The following MEF2A variants were observed in gnomAD, a reference collection of about 807,000 sequenced individuals.
MEF2A encodes myocyte-specific enhancer factor 2A.
MEF2A carries 28 observed loss-of-function variants against 55.8 expected under a neutral mutation model. The observed-to-expected ratio is 0.50, with a 90% CI of 0.37 to 0.69. The LOEUF (loss-of-function observed/expected upper bound fraction) is 0.69, where lower values mean the gene tolerates loss of function less well. Ranked by LOEUF, MEF2A falls within the 30% of genes least tolerant of loss-of-function variation. MEF2A has a pLI of 0.00. For synonymous variants in MEF2A, 239 were observed against 227.1 expected (o/e 1.05, Z -0.47); for missense variants, 528 against 626.2 (o/e 0.84, Z 1.67).
chr15:99,638,668 T>C (rs1198292132), intron 3 of MEF2A, among the ~76,000 whole-genome samples: 1 of 152,196 alleles, frequency 6.6e-6, no homozygotes, highest in African/African-American at 2.4e-5. Flanking sequence ...AAATGGCCCA[T>C]CTTGTCATCC....
intron 7 of MEF2A, among the ~76,000 whole-genome samples, chr15:99,683,589 T>A (rs953674071): frequency 1.7e-4 from 26 of 151,890 alleles, no homozygotes; most frequent in African/African-American, 6.3e-4. Context: ...CATTTTTTTT[T>A]AGTGGGGTTT....
chr15:99,577,936 A>G (rs1020864106), intron 1 of MEF2A, among the ~76,000 whole-genome samples: 2 of 152,212 alleles, frequency 1.3e-5, no homozygotes, highest in African/African-American at 4.8e-5. Flanking sequence ...ATCAGGAGGT[A>G]TGTTTATATC....
chr15:99,671,748 A>G, intron 5 of MEF2A: 1 of 1,284,646 alleles, frequency 7.8e-7, no homozygotes, highest in Non-Finnish European at 1.0e-6. Context: ...GGGTGATGAC[A>G]ACAATAAGTA....
intron 8 of MEF2A, among the ~76,000 whole-genome samples, chr15:99,692,724 A>C (rs1450438434): frequency 6.6e-6 from 1 of 152,144 alleles, no homozygotes; most frequent in Non-Finnish European, 1.5e-5. Context: ...CAACTGGGAG[A>C]GGGGAAGAGT....
intron 8 of MEF2A, among the ~76,000 whole-genome samples, chr15:99,690,968 C>T (rs540229109): frequency 1.3e-5 from 2 of 152,200 alleles, no homozygotes; most frequent in Admixed American, 1.3e-4. Context: ...TTGAAATGTT[C>T]CCAACAAATA....
chr15:99,613,857 T>G (rs183626002), intron 2 of MEF2A, among the ~76,000 whole-genome samples: 1 of 152,224 alleles, frequency 6.6e-6, no homozygotes. Context: ...TGTGCAGCCA[T>G]ACACAACTTA....
intron 2 of MEF2A, among the ~76,000 whole-genome samples, chr15:99,622,733 C>T (rs1346110771): frequency 1.7e-5 from 2 of 120,458 alleles, no homozygotes; most frequent in African/African-American, 2.7e-5. Context: ...GATGGAGTCT[C>T]GCTCTGTCAC....
In MEF2A at chr15:99,567,143, A is replaced by G. The variant is rs116754328; in HGVS notation, c.-225+1039A>G. Among the ~76,000 whole-genome samples, 537 of 152,368 alleles carry G rather than the reference A, an allele frequency of 3.5e-3. 2 individuals carry two copies. Among genetic ancestry groups the G allele is most frequent in the African/African-American group, 0.012 (513 of 41,588 alleles). On this transcript the variant is annotated intron_variant, in intron 1 of 11. Coordinates refer to ENST00000557942, the MANE Select transcript of MEF2A (RefSeq NM_001319206.4). Reference sequence around the variant, plus strand: ...TGAAGCGAGCCTCCTGTTATGGTCCAGCAGGGAACCGTGTGTAGCTTGAAT... The same window carrying G: ...TGAAGCGAGCCTCCTGTTATGGTCCGGCAGGGAACCGTGTGTAGCTTGAAT...
chr15:99,700,910 A>G (rs2057316509), intron 8 of MEF2A, among the ~76,000 whole-genome samples: 1 of 87,050 alleles, frequency 1.1e-5, no homozygotes, highest in Non-Finnish European at 3.4e-5. Flanking sequence ...AAATGATAGA[A>G]TAAATAAGGG....
chr15:99,695,755 A>G (rs2056372695), intron 8 of MEF2A, among the ~76,000 whole-genome samples: 1 of 152,038 alleles, frequency 6.6e-6, no homozygotes, highest in Non-Finnish European at 1.5e-5. Flanking sequence ...GCTACTTGGT[A>G]GGCTGAGGCA....
chr15:99,601,169 A>G (rs563481598), intron 2 of MEF2A, among the ~76,000 whole-genome samples: 1 of 152,328 alleles, frequency 6.6e-6, no homozygotes, highest in Admixed American at 6.5e-5. Context: ...GGAATTTAAA[A>G]GAATATCAGT....
intron 5 of MEF2A, 40 bp from the exon 6 acceptor site, chr15:99,674,353 C>T (rs1406610114): frequency 5.8e-6 from 9 of 1,546,020 alleles, no homozygotes; most frequent in South Asian, 4.9e-5. Context: ...TAGATGAATA[C>T]GAAACCAACA....
At chr15:99,651,829 C>T (rs2046896745) in intron 4 of MEF2A, among the ~76,000 whole-genome samples, 1 of 152,144 alleles carries the variant, frequency 6.6e-6, no homozygotes, top group Non-Finnish European at 1.5e-5. Context: ...TATTATTCTC[C>T]ATTAGAGGTT....
At chr15:99,702,028 C>T (rs563305411) in intron 8 of MEF2A, among the ~76,000 whole-genome samples, 27 of 152,342 alleles carry the variant, frequency 1.8e-4, no homozygotes, top group South Asian at 1.7e-3. Flanking sequence ...ACTATTTACA[C>T]GCTTATTCCT....
At chr15:99,676,977 C>T (rs1189762606) in intron 7 of MEF2A, among the ~76,000 whole-genome samples, 4 of 151,764 alleles carry the variant, frequency 2.6e-5, no homozygotes, top group Non-Finnish European at 4.4e-5. Context: ...AAAAATTAGC[C>T]GGACGTGGTG....
intron 4 of MEF2A, among the ~76,000 whole-genome samples, chr15:99,649,455 T>A (rs2046488750): frequency 6.6e-6 from 1 of 152,178 alleles, no homozygotes; most frequent in Non-Finnish European, 1.5e-5. Context: ...TAGGTGACAT[T>A]CCACAAAGAA....
chr15:99,640,238 T>C (rs537594120), intron 3 of MEF2A, among the ~76,000 whole-genome samples: 1 of 152,356 alleles, frequency 6.6e-6, no homozygotes, highest in South Asian at 2.1e-4. Context: ...TCATTGAGAC[T>C]TATCAATAAT....
chr15:99,675,008 A>G (rs1223849107), intron 6 of MEF2A, among the ~76,000 whole-genome samples: 1 of 152,178 alleles, frequency 6.6e-6, no homozygotes, highest in Non-Finnish European at 1.5e-5. Context: ...TACTTCATTA[A>G]TTCAGCAAAA....
intron 8 of MEF2A, among the ~76,000 whole-genome samples, chr15:99,696,827 G>A (rs1158732577): frequency 2.6e-5 from 4 of 151,924 alleles, no homozygotes; most frequent in Non-Finnish European, 5.9e-5. Flanking sequence ...TTACCCCGCT[G>A]CAAAACCAAA....
Sources: gnomAD v4.1 joint callset for allele counts (sites outside exome capture counted in the v4.1 genomes callset) on GRCh38, gnomAD v4.1.1 for gene constraint, MANE v1.5 for transcripts, NCBI Gene and HGNC (gene_info 2026-07-23, HGNC 2026-07-21) for gene names.